The following TUBA3D variants were observed in gnomAD, a reference collection of about 807,000 sequenced individuals.
The protein encoded by TUBA3D is tubulin alpha-3D chain.
In TUBA3D, 24 loss-of-function variants were observed where a neutral mutation model predicts 36.1. The ratio of observed to expected loss-of-function variants is 0.66; its 90% CI spans 0.48 to 0.93. The LOEUF (loss-of-function observed/expected upper bound fraction) is 0.93. TUBA3D is among the 40% of genes least tolerant of loss of function. The pLI is 0.00. For missense variants in TUBA3D, 356 were observed against 614.5 expected, an observed-to-expected ratio of 0.58 and a Z score of 4.45; for synonymous variants, 185 against 247.2, an observed-to-expected ratio of 0.75 and a Z score of 2.36.
Position 131,476,152 on chromosome 2 carries a change from C to A in TUBA3D, c.-48C>A. On this transcript the variant is annotated 5_prime_UTR_variant, in exon 1 of 5. Coordinates refer to ENST00000321253, the MANE Select transcript of TUBA3D (RefSeq NM_080386.4). ...GTTGGGCGCTCAGCAGCTGTGGCAG[C>A]CGGTTGAGGTCTGGCAGTAGCGTTG... 2 of 1,613,200 alleles carry A rather than the reference C, an allele frequency of 1.2e-6. No individual in the cohort carries two copies. Among genetic ancestry groups the A allele is most frequent in the Non-Finnish European group, 1.7e-6 (2 of 1,179,854 alleles).
intron 2 of TUBA3D, 151 bp downstream of exon 2, chr2:131,478,537 C>T (rs71428589): frequency 2.7e-5 from 38 of 1,402,316 alleles, no homozygotes; most frequent in African/African-American, 1.7e-4. Context: ...CTGAAAGGTT[C>T]GTGATCAAAG....
Position 131,482,776 on chromosome 2 carries a change from T to A in TUBA3D, c.1281T>A (p.Ala427=), listed in dbSNP as rs1165408868. 1 of 1,614,036 alleles carries A rather than the reference T, an allele frequency of 6.2e-7. No individual in the cohort carries two copies. Among genetic ancestry groups the A allele is most frequent in the Non-Finnish European group, 8.5e-7 (1 of 1,180,006 alleles). ...CTGAGGCCCGCGAGGACCTGGCAGC[T>A]CTAGAGAAGGATTATGAAGAGGTGG... The part of the protein sequence containing the change: ...EFSEAREDLA[A]LEKDYEEVGV... The change falls in exon 5 of 5, where the codon GCT becomes GCA. Residue 427 remains alanine, a synonymous_variant. Transcript: ENST00000321253.
At chr2:131,479,675 A>G (rs1189711832) in intron 3 of TUBA3D, among the ~76,000 whole-genome samples, 1 of 152,166 alleles carries the variant, frequency 6.6e-6, no homozygotes, top group Non-Finnish European at 1.5e-5. Flanking sequence ...CTCTATGTCT[A>G]CTAAAAATAC....
At chr2:131,481,101 G>C (rs914477666) in intron 4 of TUBA3D, among the ~76,000 whole-genome samples, 1 of 151,554 alleles carries the variant, frequency 6.6e-6, no homozygotes, top group Non-Finnish European at 1.5e-5. Context: ...ATGGGGTTTC[G>C]CCATGTTGGC....
chr2:131,476,384 G>A (rs571312038), intron 1 of TUBA3D, among the ~76,000 whole-genome samples, 182 bp downstream of exon 1: 14 of 152,324 alleles, frequency 9.2e-5, no homozygotes, highest in African/African-American at 3.4e-4. Context: ...GGGCAGGGAC[G>A]GCGGCTTTTG....
chr2:131,480,697 T>C lies in TUBA3D; in HGVS notation c.1004T>C (p.Ile335Thr), dbSNP rs147467577. 1.2e-6 allele frequency: 2 copies of C among 1,613,184 alleles called. No individual in the cohort carries two copies. The highest frequency in any genetic ancestry group is 2.7e-5 in the African/African-American group (2 of 74,462). Residue 335 changes from isoleucine to threonine, a missense_variant, in exon 4 of 5, where the codon ATC becomes ACC. Transcript: ENST00000321253. ...PKDVNAAIAT[I>T]KTKRTIQFVD... Reference sequence around the variant, plus strand: ...GACGTCAACGCGGCCATCGCCACCATCAAGACCAAGCGCACCATCCAGTTT... The same window carrying C: ...GACGTCAACGCGGCCATCGCCACCACCAAGACCAAGCGCACCATCCAGTTT...
rs763817051 is a variant in TUBA3D at position 131,478,332 on chromosome 2, G to A, written c.172G>A (p.Ala58Thr). Reference protein sequence around the residue: ...SFNTFFSETGAGKHVPRAVFV... With the variant: ...SFNTFFSETGTGKHVPRAVFV... ...CAACACGTTCTTCAGTGAGACTGGAGCTGGCAAGCACGTGCCCAGAGCAGT... is the reference window on the plus strand; with the variant it reads ...CAACACGTTCTTCAGTGAGACTGGAACTGGCAAGCACGTGCCCAGAGCAGT... Residue 58 changes from alanine to threonine, a missense_variant, in exon 2 of 5, where the codon GCT becomes ACT. Around this residue, in one of 3 missense-constraint regions of TUBA3D, gnomAD observed 109 missense variants for 153.7 expected, o/e 0.71. Transcript: ENST00000321253. 29 of 1,613,894 alleles carry A rather than the reference G, an allele frequency of 1.8e-5. No individual in the cohort carries two copies. Among genetic ancestry groups the A allele is most frequent in the Admixed American group, 1.2e-4 (7 of 59,998 alleles).
rs554135041 is a variant in TUBA3D, at chr2:131,476,504, C to T, written c.3+302C>T. On this transcript the variant is annotated intron_variant, in intron 1 of 4. Transcript: ENST00000321253. ...TGAAGACGGGAGGGCGCTGCTCCCG[C>T]TTCACACGTCTTTGTGCTACTCGAA... Among the ~76,000 whole-genome samples, 140 of 152,314 alleles carry T rather than the reference C, an allele frequency of 9.2e-4. 4 individuals carry two copies. The highest frequency in any genetic ancestry group is 9.0e-3 in the Admixed American group (137 of 15,304).
intron 1 of TUBA3D, among the ~76,000 whole-genome samples, chr2:131,477,862 G>A (rs1270012386): frequency 2.6e-5 from 4 of 152,088 alleles, no homozygotes; most frequent in African/African-American, 4.8e-5. Flanking sequence ...TTACTGTGAC[G>A]GGCTATAATG....
chr2:131,479,548 C>G, intron 3 of TUBA3D, 92 bp downstream of exon 3: 1 of 1,572,510 alleles, frequency 6.4e-7, no homozygotes, highest in Non-Finnish European at 8.7e-7. Context: ...AACACTTAGA[C>G]CAGCATCTTG....
At chr2:131,477,412 C>T (rs1678710359) in intron 1 of TUBA3D, among the ~76,000 whole-genome samples, 1 of 152,134 alleles carries the variant, frequency 6.6e-6, no homozygotes, top group African/African-American at 2.4e-5. Flanking sequence ...TTACAGGCTT[C>T]AAGGGGTAGA....
At chr2:131,478,003 A>C (rs564504134) in intron 1 of TUBA3D, among the ~76,000 whole-genome samples, 161 bp from the exon 2 acceptor site, 1 of 152,306 alleles carries the variant, frequency 6.6e-6, no homozygotes, top group Non-Finnish European at 1.5e-5. Flanking sequence ...TAGTTTTCAC[A>C]GCGATAAAGG....
intron 2 of TUBA3D, 87 bp from the exon 3 acceptor site, chr2:131,479,221 C>A (rs1393826412): frequency 6.5e-7 from 1 of 1,532,632 alleles, no homozygotes; most frequent in Non-Finnish European, 8.8e-7. Flanking sequence ...ACAGCATGTG[C>A]TCTGTAGAAG....
At position 131,480,518 on chromosome 2, in the gene TUBA3D, C is replaced by G; in HGVS notation, c.825C>G (p.Val275=). The part of the protein sequence containing the change: ...IHFPLATYAP[V]ISAEKAYHEQ... ...TCCCCCTGGCCACCTATGCCCCAGT[C>G]ATCTCAGCTGAGAAGGCCTACCACG... Residue 275 remains valine, a synonymous_variant, in exon 4 of 5, where the codon GTC becomes GTG. Transcript: ENST00000321253. 1 of 1,601,858 alleles carries G rather than the reference C, an allele frequency of 6.2e-7. No individual in the cohort carries two copies. The highest frequency in any genetic ancestry group is 8.5e-7 in the Non-Finnish European group (1 of 1,176,818).
In TUBA3D at chr2:131,482,679, T is replaced by C. The variant is rs1303753780; in HGVS notation, c.1184T>C (p.Phe395Ser). 16 of 1,614,038 alleles carry C rather than the reference T, an allele frequency of 9.9e-6. No individual in the cohort carries two copies. Among genetic ancestry groups the C allele is most frequent in the Non-Finnish European group, 1.4e-5 (16 of 1,180,032 alleles). ...GCCTGGGCCCGCCTGGACCATAAGT[T>C]CGATCTCATGTATGCCAAGCGGGCC... ...AEAWARLDHK[F>S]DLMYAKRAFV... The change falls in exon 5 of 5, where the codon TTC becomes TCC. Residue 395 changes from phenylalanine to serine, a missense_variant. This residue lies in a region of TUBA3D where 156 missense variants were observed against 219.8 expected (regional missense o/e 0.71). Coordinates refer to ENST00000321253, the MANE Select transcript of TUBA3D (RefSeq NM_080386.4).
intron 1 of TUBA3D, among the ~76,000 whole-genome samples, chr2:131,477,560 G>T (rs892558731): frequency 7.0e-6 from 1 of 142,626 alleles, no homozygotes; most frequent in African/African-American, 3.0e-5. Context: ...CCCTGGCACT[G>T]CTTTCTCCAG....
intron 2 of TUBA3D, 127 bp downstream of exon 2, chr2:131,478,513 T>C (rs1413998382): frequency 1.9e-5 from 27 of 1,388,198 alleles, no homozygotes; most frequent in Non-Finnish European, 2.5e-5. Flanking sequence ...CCCATGGCAT[T>C]GTTAGGAGAG....
At chr2:131,482,378 C>T (rs1678891324) in intron 4 of TUBA3D, among the ~76,000 whole-genome samples, 174 bp from the exon 5 acceptor site, 4 of 152,182 alleles carry the variant, frequency 2.6e-5, no homozygotes, top group Admixed American at 2.6e-4. Context: ...TTTCTCTATT[C>T]CTCATCTGGA....
At chr2:131,479,154 C>T (rs1385135004) in intron 2 of TUBA3D, among the ~76,000 whole-genome samples, 154 bp from the exon 3 acceptor site, 2 of 152,250 alleles carry the variant, frequency 1.3e-5, no homozygotes, top group African/African-American at 4.8e-5. Flanking sequence ...CACACAGAGA[C>T]ATTTTCTACC....
Sources: allele counts gnomAD v4.1 joint callset (sites outside exome capture counted in the v4.1 genomes callset), GRCh38; gene constraint gnomAD v4.1.1; regional missense constraint gnomAD v4.1.1; transcripts MANE v1.5; gene names NCBI Gene and HGNC (gene_info 2026-07-23, HGNC 2026-07-21).